PRUNE2: variants seen among roughly 807,000 people sequenced by gnomAD.
PRUNE2 encodes prune homolog 2 with BCH domain, also known as protein prune homolog 2.
Under a neutral mutation model 252.0 loss-of-function variants are expected in PRUNE2, and 164 were observed. The observed-to-expected ratio is 0.65, with a 90% CI of 0.57 to 0.74. The LOEUF (loss-of-function observed/expected upper bound fraction) is 0.74, where lower values mean the gene tolerates loss of function less well. Ranked by LOEUF, PRUNE2 falls within the 30% of genes least tolerant of loss-of-function variation. PRUNE2 has a pLI of 0.00. For synonymous variants in PRUNE2, 1,292 were observed against 1,350.2 expected (o/e 0.96, Z 0.94); for missense variants, 3,495 against 3,711.0 (o/e 0.94, Z 1.51).
chr9:76,785,277 T>A (rs1470364984), intron 6 of PRUNE2: 1 of 152,224 alleles, frequency 6.6e-6, no homozygotes, highest in African/African-American at 2.4e-5. Flanking sequence ...TCTTACTTCA[T>A]GCAAAGAAGG....
At position 76,880,959 on chromosome 9, in the gene PRUNE2, ATTTTTTT is replaced by A. The variant is rs1212200598; in HGVS notation, c.36+24962_36+24968del. ...TAGAAGCTCTGGGACATCCTTGTTA[ATTTTTTT>A]TTTTTTTTTTTTGAGACGGAGTCTC... On this transcript the variant is annotated intron_variant, in intron 1 of 18. Transcript: ENST00000376718. Among the ~76,000 whole-genome samples, 5 of 137,146 alleles carry A rather than the reference ATTTTTTT, an allele frequency of 3.6e-5. No homozygotes were observed. The South Asian group carries it at 1.1e-3, about 31-fold the overall frequency. 90.0% of individuals were successfully genotyped at this position (137,146 alleles called of 152,430 possible). A position where few individuals can be genotyped will look rare whatever the true frequency, so the allele number is the denominator to read the frequency against.
chr9:76,804,451 T>C (rs2056791464), intron 6 of PRUNE2, among the ~76,000 whole-genome samples: 1 of 152,242 alleles, frequency 6.6e-6, no homozygotes, highest in African/African-American at 2.4e-5. Flanking sequence ...CATCTACTTC[T>C]TTCAAAATGT....
intron 4 of PRUNE2, among the ~76,000 whole-genome samples, chr9:76,829,790 T>C (rs187291976): frequency 4.6e-5 from 7 of 152,062 alleles, no homozygotes; most frequent in Admixed American, 2.6e-4. Context: ...AAACTGCCTT[T>C]GGGGTTCAAA....
At chr9:76,675,119 G>A (rs1375014303) in intron 9 of PRUNE2, among the ~76,000 whole-genome samples, 1 of 99,980 alleles carries the variant, frequency 1.0e-5, no homozygotes, top group Non-Finnish European at 2.3e-5. Context: ...CCATCAGAGT[G>A]AACAGGCAAC....
At chr9:76,765,220 G>C (rs1215207928) in intron 6 of PRUNE2, among the ~76,000 whole-genome samples, 3 of 152,170 alleles carry the variant, frequency 2.0e-5, no homozygotes, top group Non-Finnish European at 1.5e-5. Flanking sequence ...AAACACAAGA[G>C]GAGGAGCCAG....
chr9:76,746,586 T>A (rs1258092539), intron 6 of PRUNE2, among the ~76,000 whole-genome samples: 1 of 151,368 alleles, frequency 6.6e-6, no homozygotes, highest in African/African-American at 2.4e-5. Context: ...GCGCCTGTAG[T>A]CCCAGCTACT....
In PRUNE2 at chr9:76,881,142, A is replaced by G. The variant is rs570582268; in HGVS notation, c.36+24786T>C. 1.7e-3 allele frequency among the ~76,000 whole-genome samples: 253 copies of G among 151,998 alleles called. 1 individual carries two copies. The highest frequency in any genetic ancestry group is 5.8e-3 in the African/African-American group (241 of 41,442). On this transcript the variant is annotated intron_variant, in intron 1 of 18. Transcript: ENST00000376718. The stretch of plus-strand genomic sequence containing the variant: ...GCCACCATACCCAGCTAATTTTTGT[A>G]TTTTTAGTAGAGACAGGGTTTCACC...
At chr9:76,625,482 T>G (rs1451464252) in intron 16 of PRUNE2, among the ~76,000 whole-genome samples, 1 of 152,196 alleles carries the variant, frequency 6.6e-6, no homozygotes, top group Non-Finnish European at 1.5e-5. Flanking sequence ...TCTCAGAACA[T>G]GTCTCTGTCA....
At chr9:76,738,425 T>G (rs1468662704) in intron 6 of PRUNE2, 1 of 152,202 alleles carries the variant, frequency 6.6e-6, no homozygotes, top group East Asian at 1.9e-4. Context: ...CTCAACATCC[T>G]CGCCTCGAGG....
chr9:76,879,899 ATATATTTTTTTTTT>A (rs1192029319), intron 1 of PRUNE2, among the ~76,000 whole-genome samples: 1 of 76,046 alleles, frequency 1.3e-5, no homozygotes, highest in Non-Finnish European at 2.2e-5. Flanking sequence ...ATATATATAT[ATATATTTTTTTTTT>A]TTTTTTTTTT....
At chr9:76,767,944 G>A (rs566481374) in intron 6 of PRUNE2, among the ~76,000 whole-genome samples, 2 of 152,314 alleles carry the variant, frequency 1.3e-5, no homozygotes, top group South Asian at 4.1e-4. Context: ...AGGACTGGAA[G>A]TATTAATAAT....
At position 76,703,414 on chromosome 9, in the gene PRUNE2, T is replaced by C. The variant is rs2046054776; in HGVS notation, c.8199A>G (p.Lys2733=). ...WEMLSPQPVQ[K]NMIPDTEMEE... ...CCATTTCCGTGTCAGGGATCATGTTTTTCTGAACAGGCTGTGGTGAAAGCA... is the reference window on the plus strand; with the variant it reads ...CCATTTCCGTGTCAGGGATCATGTTCTTCTGAACAGGCTGTGGTGAAAGCA... The change falls in exon 9 of 19, where the codon AAA becomes AAG. Residue 2733 remains lysine (K), a synonymous_variant. Transcript: ENST00000376718. 2 of 1,613,660 alleles carry C rather than the reference T, an allele frequency of 1.2e-6. No homozygotes were observed. Among genetic ancestry groups the C allele is most frequent in the African/African-American group, 2.7e-5 (2 of 74,910 alleles).
At chr9:76,692,988 T>A (rs1053466909) in intron 9 of PRUNE2, 2 of 111,616 alleles carry the variant, frequency 1.8e-5, no homozygotes, top group African/African-American at 3.8e-5. Context: ...CTCCACCCCC[T>A]CCCCCCCTCC....
intron 4 of PRUNE2, among the ~76,000 whole-genome samples, chr9:76,836,255 T>C (rs2058960791): frequency 6.6e-6 from 1 of 151,312 alleles, no homozygotes; most frequent in Admixed American, 6.6e-5. Flanking sequence ...TCTGTAACTG[T>C]TCACTTTTGG....
intron 9 of PRUNE2, 89 bp from the exon 10 acceptor site, chr9:76,655,591 C>A: frequency 1.1e-6 from 1 of 930,418 alleles, no homozygotes; most frequent in Non-Finnish European, 1.7e-6. Flanking sequence ...TCCAGGATAA[C>A]ATTTTCAACT....
intron 9 of PRUNE2, among the ~76,000 whole-genome samples, chr9:76,693,581 C>T (rs139914817): frequency 0.012 from 1,756 of 151,542 alleles, 31 homozygotes; most frequent in East Asian, 0.081. Flanking sequence ...GTAGCTGGGA[C>T]CACAGGCGTG....
intron 1 of PRUNE2, among the ~76,000 whole-genome samples, chr9:76,904,636 G>T (rs2063374096): frequency 6.6e-6 from 1 of 152,122 alleles, no homozygotes; most frequent in South Asian, 2.1e-4. Context: ...TCATCCATGT[G>T]CTCTAGTAAA....
Position 76,637,403 on chromosome 9 carries a change from A to G in PRUNE2, c.8963+15T>C. 1 of 1,612,828 alleles carries G rather than the reference A, an allele frequency of 6.2e-7. No individual in the cohort carries two copies. The highest frequency in any genetic ancestry group is 8.5e-7 in the Non-Finnish European group (1 of 1,179,494). ...CCAAAATCAAAATAGTGATTAAATA[A>G]TAGAGCCCACATACCGTCTGTCAAT... On this transcript the variant is annotated intron_variant, in intron 14 of 18. Coordinates refer to ENST00000376718, the MANE Select transcript of PRUNE2 (RefSeq NM_015225.3).
chr9:76,775,770 T>TC (rs1173833183), intron 6 of PRUNE2, among the ~76,000 whole-genome samples: 3 of 152,234 alleles, frequency 2.0e-5, no homozygotes, highest in African/African-American at 7.2e-5. Flanking sequence ...GCCTTACCTC[T>TC]CCCAGAAAAA....
Sources: gnomAD v4.1 joint callset for allele counts (sites outside exome capture counted in the v4.1 genomes callset) on GRCh38, gnomAD v4.1.1 for gene constraint, MANE v1.5 for transcripts, NCBI Gene and HGNC (gene_info 2026-07-23, HGNC 2026-07-21) for gene names.